ATP6V0A4: variants seen among roughly 807,000 people sequenced by gnomAD.
The protein encoded by ATP6V0A4 is ATPase H+ transporting V0 subunit a4, also known as V-type proton ATPase 116 kDa subunit a 4.
A neutral mutation model predicts 107.3 loss-of-function variants in ATP6V0A4; 86 were observed. The observed-to-expected ratio is 0.80, with a 90% CI of 0.67 to 0.96. The LOEUF (loss-of-function observed/expected upper bound fraction) is 0.96. Among genes scored for constraint, ATP6V0A4 ranks in the 40% least tolerant of loss-of-function variants. The pLI, the probability that ATP6V0A4 is intolerant of heterozygous loss-of-function variation, is 0.00. For synonymous variants in ATP6V0A4, 353 were observed against 381.4 expected (o/e 0.93, Z 0.87); for missense variants, 908 against 1,045.6 (o/e 0.87, Z 1.81).
At chr7:138,768,645 G>C (rs1304654084) in intron 5 of ATP6V0A4, 135 bp downstream of exon 5, 2 of 1,087,492 alleles carry the variant, frequency 1.8e-6, no homozygotes, top group Non-Finnish European at 2.6e-6. Context: ...CCCTGAGAGG[G>C]AGACGACCAT....
intron 3 of ATP6V0A4, among the ~76,000 whole-genome samples, chr7:138,770,514 GAAC>G (rs1346910280): frequency 6.6e-6 from 1 of 152,166 alleles, no homozygotes; most frequent in Non-Finnish European, 1.5e-5. Context: ...CTAGGGATGC[GAAC>G]AACAAGATGT....
chr7:138,729,045 T>C (rs1197699982), intron 17 of ATP6V0A4, 183 bp from the exon 18 acceptor site: 1 of 779,952 alleles, frequency 1.3e-6, no homozygotes, highest in African/African-American at 1.9e-5. Context: ...GAAATATCTG[T>C]CCAGTGTTTC....
At chr7:138,784,275 T>TAC (rs1808072500) in intron 2 of ATP6V0A4, among the ~76,000 whole-genome samples, 1 of 33,988 alleles carries the variant, frequency 2.9e-5, no homozygotes, top group African/African-American at 1.1e-4. Context: ...TACATATATA[T>TAC]ATATACATAT....
chr7:138,743,710 G>T (rs1257070684), intron 14 of ATP6V0A4, among the ~76,000 whole-genome samples: 1 of 152,114 alleles, frequency 6.6e-6, no homozygotes, highest in African/African-American at 2.4e-5. Flanking sequence ...TTGTTCAAAG[G>T]AAAGTTCCAG....
In ATP6V0A4 at chr7:138,756,559, T is replaced by C. The variant is rs769653757; in HGVS notation, c.640-19A>G. ...CTTCTTTCTGGAAAATCAGAATAAG[T>C]TAAAAAAAAAGGGGGGGGTTTCTTT... On this transcript the variant is annotated intron_variant, in intron 8 of 21. Transcript: ENST00000310018. 6.3e-7 allele frequency: 1 copy of C among 1,581,648 alleles called. No individual in the cohort carries two copies. Among genetic ancestry groups the C allele is most frequent in the Non-Finnish European group, 8.6e-7 (1 of 1,165,956 alleles).
chr7:138,717,844 G>A (rs1319208938), intron 19 of ATP6V0A4, among the ~76,000 whole-genome samples: 4 of 147,740 alleles, frequency 2.7e-5, no homozygotes, highest in Non-Finnish European at 5.9e-5. Flanking sequence ...GGAGGCGGAG[G>A]TTGCAGTGAG....
chr7:138,756,348 A>C, intron 9 of ATP6V0A4, 110 bp downstream of exon 9: 1 of 1,551,708 alleles, frequency 6.4e-7, no homozygotes, highest in Admixed American at 1.7e-5. Context: ...AAGTTATTCT[A>C]AAGCCTTACT....
At chr7:138,720,220 C>G (rs906043145) in intron 19 of ATP6V0A4, among the ~76,000 whole-genome samples, 10 of 152,168 alleles carry the variant, frequency 6.6e-5, no homozygotes, top group African/African-American at 2.4e-4. Flanking sequence ...CACCCTTAAC[C>G]TTGAGTTTGG....
chr7:138,741,696 C>T (rs1446696467), intron 14 of ATP6V0A4, among the ~76,000 whole-genome samples: 4 of 152,180 alleles, frequency 2.6e-5, no homozygotes, highest in African/African-American at 9.7e-5. Flanking sequence ...TTTCTAATAC[C>T]CTCTTAATAG....
chr7:138,751,294 G>T (rs1398424223), intron 11 of ATP6V0A4, among the ~76,000 whole-genome samples: 1 of 152,158 alleles, frequency 6.6e-6, no homozygotes, highest in African/African-American at 2.4e-5. Context: ...GCTCCCAAAC[G>T]CAGTTCCCGA....
chr7:138,759,928 C>T (rs1806715677), intron 7 of ATP6V0A4, 50 bp from the exon 8 acceptor site: 1 of 1,612,998 alleles, frequency 6.2e-7, no homozygotes, highest in African/African-American at 1.3e-5. Context: ...GATTGGGATG[C>T]AGAGAGAAGG....
intron 1 of ATP6V0A4, among the ~76,000 whole-genome samples, chr7:138,795,346 C>G (rs1808607759): frequency 6.6e-6 from 1 of 152,126 alleles, no homozygotes; most frequent in Non-Finnish European, 1.5e-5. Flanking sequence ...TCCCCCTCCT[C>G]CACATCCACT....
chr7:138,765,266 G>A lies in ATP6V0A4; in HGVS notation c.292-2241C>T, dbSNP rs559269877. Reference sequence around the variant, plus strand: ...CTTCAGTTCCACTCCATTACCTCCCGTCTCAGAGAAAGCCATTACCCTGAA... The same window carrying A: ...CTTCAGTTCCACTCCATTACCTCCCATCTCAGAGAAAGCCATTACCCTGAA... On this transcript the variant is annotated intron_variant, in intron 5 of 21. Coordinates refer to ENST00000310018, the MANE Select transcript of ATP6V0A4 (RefSeq NM_020632.3). Among the ~76,000 whole-genome samples the A allele has an allele frequency of 3.3e-5, 5 of 152,092 alleles. No individual in the cohort carries two copies. The South Asian group carries it at 1.0e-3, about 32-fold the overall frequency.
intron 19 of ATP6V0A4, among the ~76,000 whole-genome samples, chr7:138,718,689 T>C (rs1291209048): frequency 1.8e-5 from 2 of 109,336 alleles, no homozygotes; most frequent in African/African-American, 3.5e-5. Context: ...GGGGGGGGGG[T>C]GCAGTCACGG....
At chr7:138,718,543 C>T (rs1584894214) in intron 19 of ATP6V0A4, among the ~76,000 whole-genome samples, 1 of 105,504 alleles carries the variant, frequency 9.5e-6, no homozygotes, top group East Asian at 2.9e-4. Flanking sequence ...GTGGTGCAGT[C>T]ACCGATGTCT....
intron 15 of ATP6V0A4, among the ~76,000 whole-genome samples, chr7:138,734,520 G>A (rs980355579): frequency 2.6e-5 from 4 of 151,966 alleles, no homozygotes; most frequent in East Asian, 1.9e-4. Context: ...AAAATCCTAC[G>A]TGAAAAGATA....
intron 15 of ATP6V0A4, 89 bp from the exon 16 acceptor site, chr7:138,734,343 C>T: frequency 1.3e-6 from 2 of 1,587,642 alleles, no homozygotes; most frequent in Non-Finnish European, 1.7e-6. Context: ...TTTCCCTAAG[C>T]AAACCGCTCT....
chr7:138,755,752 C>T lies in ATP6V0A4; in HGVS notation c.753G>A (p.Glu251=). 2 of 1,613,828 alleles carry T rather than the reference C, an allele frequency of 1.2e-6. No homozygotes were observed. The highest frequency in any genetic ancestry group is 2.2e-5 in the South Asian group (2 of 91,086). The change falls in exon 10 of 22, where the codon GAG becomes GAA. Residue 251 remains glutamate, a synonymous_variant. Transcript: ENST00000310018. ...ACATCTCTCTGCGCTCCACCGCAGGCTCTGGGCAAGGGTAGACAGTGGCTC... is the reference window on the plus strand; with the variant it reads ...ACATCTCTCTGCGCTCCACCGCAGGTTCTGGGCAAGGGTAGACAGTGGCTC... The part of the protein sequence containing the change: ...GFRATVYPCP[E]PAVERREMLE...
At chr7:138,766,636 C>T (rs1048161329) in intron 5 of ATP6V0A4, among the ~76,000 whole-genome samples, 1 of 151,972 alleles carries the variant, frequency 6.6e-6, no homozygotes, top group African/African-American at 2.4e-5. Context: ...CAAATTTTAG[C>T]TCCCCCCACC....
Sources: allele counts gnomAD v4.1 joint callset (sites outside exome capture counted in the v4.1 genomes callset), GRCh38; gene constraint gnomAD v4.1.1; transcripts MANE v1.5; gene names NCBI Gene and HGNC (gene_info 2026-07-23, HGNC 2026-07-21).